Variants in ASTN2 observed in about 807,000 individuals in gnomAD.
ASTN2 encodes astrotactin-2.
In ASTN2, 54 loss-of-function variants were observed where a neutral mutation model predicts 139.8. That is an observed-to-expected ratio of 0.39 (90% confidence interval 0.31 to 0.48). ASTN2 has a LOEUF of 0.48. Among genes scored for constraint, ASTN2 ranks in the 20% least tolerant of loss-of-function variants. The probability of loss-of-function intolerance (pLI) is 0.95; values close to 1 mark genes in which losing one functional copy is unlikely to be tolerated. For missense variants in ASTN2, 1,565 were observed against 1,725.1 expected, an observed-to-expected ratio of 0.91 and a Z score of 1.64; for synonymous variants, 756 against 719.5, an observed-to-expected ratio of 1.05 and a Z score of -0.81.
chr9:116,582,960 CTG>C (rs1190689873), intron 19 of ASTN2: 5 of 152,242 alleles, frequency 3.3e-5, no homozygotes, highest in Admixed American at 2.0e-4. Context: ...GTGCCAGACA[CTG>C]TACCAGAGTC....
chr9:116,647,322 A>G (rs1174020042), intron 17 of ASTN2, among the ~76,000 whole-genome samples: 1 of 152,190 alleles, frequency 6.6e-6, no homozygotes, highest in Non-Finnish European at 1.5e-5. Flanking sequence ...CAGTCTTAGC[A>G]TACAGTGGGG....
At chr9:116,803,522 A>ATATATATATATATTT (rs1554748694) in intron 13 of ASTN2, among the ~76,000 whole-genome samples, 1 of 21,138 alleles carries the variant, frequency 4.7e-5, no homozygotes, top group African/African-American at 2.2e-4. Flanking sequence ...ATATATATAT[A>ATATATATATATATTT]TTTTTTTTTT....
At chr9:116,629,386 G>C (rs1305911696) in intron 17 of ASTN2, among the ~76,000 whole-genome samples, 1 of 151,988 alleles carries the variant, frequency 6.6e-6, no homozygotes, top group African/African-American at 2.4e-5. Flanking sequence ...CAAAGTGCTG[G>C]GATTACAGGC....
At position 117,202,464 on chromosome 9, in the gene ASTN2, G is replaced by C. The variant is rs137933923; in HGVS notation, c.1015+11894C>G. 9.1e-3 allele frequency among the ~76,000 whole-genome samples: 1,392 copies of C among 152,202 alleles called. 22 individuals carry two copies. The highest frequency in any genetic ancestry group is 0.032 in the African/African-American group (1,338 of 41,534). On this transcript the variant is annotated intron_variant, in intron 3 of 22. Transcript: ENST00000313400. ...GGTCTTCATATTTTGGTGTATTTTT[G>C]CAGTGCCTGGTACGAGTTTTTCCTT...
At chr9:116,481,602 C>T (rs1009559395) in intron 20 of ASTN2, among the ~76,000 whole-genome samples, 7 of 152,134 alleles carry the variant, frequency 4.6e-5, no homozygotes, top group Admixed American at 2.0e-4. Context: ...ACCCTTCACA[C>T]GTGTACACAA....
chr9:117,185,702 A>C (rs1345672303), intron 3 of ASTN2, among the ~76,000 whole-genome samples: 16 of 152,184 alleles, frequency 1.1e-4, no homozygotes, highest in Non-Finnish European at 2.9e-5. Context: ...CAGGCAGAGC[A>C]TGTCTCACAA....
chr9:117,054,574 C>G (rs1423165970), intron 5 of ASTN2, among the ~76,000 whole-genome samples: 2 of 152,064 alleles, frequency 1.3e-5, no homozygotes, highest in African/African-American at 4.8e-5. Context: ...GAATGATTAC[C>G]AAGAGCTGAA....
At position 116,960,839 on chromosome 9, in the gene ASTN2, A is replaced by G. The variant is rs529751244; in HGVS notation, c.1889+14369T>C. ...AGGCTGATCATTCCTTCTAGATGCC[A>G]TGTTTACCTGACTGGACCAGACACC... On this transcript the variant is annotated intron_variant, in intron 10 of 22. Transcript: ENST00000313400. Among the ~76,000 whole-genome samples, 16 of 152,256 alleles carry G rather than the reference A, an allele frequency of 1.1e-4. No homozygotes were observed. In the East Asian group the frequency reaches 2.3e-3, roughly 22 times the overall value.
chr9:117,042,989 G>A (rs1275084428), intron 5 of ASTN2, among the ~76,000 whole-genome samples: 2 of 152,062 alleles, frequency 1.3e-5, no homozygotes, highest in Non-Finnish European at 2.9e-5. Context: ...TCCTGCCTCA[G>A]CCTCCCAAGT....
chr9:116,463,754 TCTC>T (rs773356605), intron 20 of ASTN2, among the ~76,000 whole-genome samples: 19 of 152,132 alleles, frequency 1.2e-4, no homozygotes, highest in Non-Finnish European at 2.2e-4. Flanking sequence ...TACTCTATCT[TCTC>T]CACTACGCTG....
At chr9:116,500,294 G>A (rs1849810532) in intron 19 of ASTN2, among the ~76,000 whole-genome samples, 2 of 152,190 alleles carry the variant, frequency 1.3e-5, no homozygotes, top group Admixed American at 6.5e-5. Flanking sequence ...TGCATGATGA[G>A]GTGGGCACAG....
intron 3 of ASTN2, among the ~76,000 whole-genome samples, chr9:117,179,341 A>G (rs990726869): frequency 2.6e-5 from 4 of 151,946 alleles, no homozygotes; most frequent in South Asian, 2.1e-4. Flanking sequence ...GGGGATATAT[A>G]TGTGTGTGTG....
At chr9:117,163,929 C>T (rs543048598) in intron 3 of ASTN2, among the ~76,000 whole-genome samples, 1 of 152,182 alleles carries the variant, frequency 6.6e-6, no homozygotes, top group Non-Finnish European at 1.5e-5. Context: ...ACTTATGACT[C>T]TCCAGCGACC....
chr9:116,637,957 C>T (rs977465985), intron 17 of ASTN2, among the ~76,000 whole-genome samples: 46 of 152,080 alleles, frequency 3.0e-4, no homozygotes, highest in African/African-American at 8.5e-4. Flanking sequence ...TACATACATA[C>T]ATAAAGAAGG....
intron 13 of ASTN2, among the ~76,000 whole-genome samples, chr9:116,756,800 T>TACACACACAC (rs1232351537): frequency 3.0e-3 from 242 of 79,554 alleles, no homozygotes; most frequent in African/African-American, 8.9e-3. Context: ...CACACACACA[T>TACACACACAC]ACACACACAC....
intron 3 of ASTN2, among the ~76,000 whole-genome samples, chr9:117,150,923 G>T (rs895273909): frequency 1.3e-5 from 2 of 152,078 alleles, no homozygotes; most frequent in African/African-American, 4.8e-5. Flanking sequence ...GGTTGGTCTT[G>T]AACTCCTGGC....
chr9:116,460,672 G>C (rs1848459513), intron 20 of ASTN2, among the ~76,000 whole-genome samples: 1 of 152,114 alleles, frequency 6.6e-6, no homozygotes, highest in Non-Finnish European at 1.5e-5. Flanking sequence ...GATTGCAAAG[G>C]AACTATATGG....
At chr9:117,410,437 A>C (rs1430867826) in intron 1 of ASTN2, among the ~76,000 whole-genome samples, 1 of 152,184 alleles carries the variant, frequency 6.6e-6, no homozygotes, top group Non-Finnish European at 1.5e-5. Flanking sequence ...AGTACAAAGC[A>C]AGAGGAGCTA....
At chr9:117,365,299 AAAAG>A (rs1406982648) in intron 1 of ASTN2, among the ~76,000 whole-genome samples, 6 of 148,562 alleles carry the variant, frequency 4.0e-5, no homozygotes, top group South Asian at 2.1e-4. Context: ...AATAGAAAGA[AAAAG>A]AAAGAAAGAA....
Sources: gnomAD v4.1 joint callset for allele counts (sites outside exome capture counted in the v4.1 genomes callset) on GRCh38, gnomAD v4.1.1 for gene constraint, MANE v1.5 for transcripts, NCBI Gene and HGNC (gene_info 2026-07-23, HGNC 2026-07-21) for gene names.